Variants in DNAH5 observed in about 807,000 individuals in gnomAD.
DNAH5 encodes dynein axonemal heavy chain 5.
Under a neutral mutation model 518.2 loss-of-function variants are expected in DNAH5, and 372 were observed. The observed-to-expected ratio is 0.72, with a 90% CI of 0.66 to 0.78. The LOEUF (loss-of-function observed/expected upper bound fraction) is 0.78, where lower values mean the gene tolerates loss of function less well. Among genes scored for constraint, DNAH5 ranks in the 30% least tolerant of loss-of-function variants. The pLI, the probability that DNAH5 is intolerant of heterozygous loss-of-function variation, is 0.00. For synonymous variants in DNAH5, 2,039 were observed against 2,025.9 expected, an observed-to-expected ratio of 1.01 and a Z score of -0.17; for missense variants, 5,523 against 5,687.0, an observed-to-expected ratio of 0.97 and a Z score of 0.93.
At chr5:13,830,805 G>A in intron 35 of DNAH5, 30 bp from the exon 36 acceptor site, 1 of 1,611,570 alleles carries the variant, frequency 6.2e-7, no homozygotes, top group Non-Finnish European at 8.5e-7. Flanking sequence ...ACTAGAACCA[G>A]CCCTCAGTCA....
chr5:14,008,707 G>A (rs910514587), intron 1 of DNAH5, among the ~76,000 whole-genome samples: 12 of 152,110 alleles, frequency 7.9e-5, no homozygotes, highest in Non-Finnish European at 1.6e-4. Context: ...AGGAAGAAAA[G>A]AAGAAAGGAA....
At chr5:13,850,144 C>A (rs923029309) in intron 31 of DNAH5, among the ~76,000 whole-genome samples, 8 of 150,886 alleles carry the variant, frequency 5.3e-5, no homozygotes, top group African/African-American at 2.0e-4. Flanking sequence ...TTTCTACTTA[C>A]ATTATTTTAT....
At chr5:13,852,916 G>A (rs887876789) in intron 30 of DNAH5, among the ~76,000 whole-genome samples, 2 of 152,222 alleles carry the variant, frequency 1.3e-5, no homozygotes, top group Non-Finnish European at 2.9e-5. Flanking sequence ...CAGAGCGCCT[G>A]GGGGAAGGGG....
chr5:13,810,277 C>CT lies in DNAH5; in HGVS notation c.7408-18dup, dbSNP rs763542767. 27 of 1,548,050 alleles carry CT rather than the reference C, an allele frequency of 1.7e-5. No individual in the cohort carries two copies. The highest frequency in any genetic ancestry group is 4.1e-5 in the African/African-American group (3 of 73,064). ...GCCTTGCTCCTGAGAAGGAAAGACACTTTTTTTTAATAACTTGATTCTGAA... is the reference window on the plus strand; with the variant it reads ...GCCTTGCTCCTGAGAAGGAAAGACACTTTTTTTTTAATAACTTGATTCTGAA... On this transcript the variant is annotated splice_polypyrimidine_tract_variant and intron_variant, in intron 44 of 78. Transcript: ENST00000265104.
intron 24 of DNAH5, among the ~76,000 whole-genome samples, chr5:13,868,423 T>C (rs1228186835): frequency 1.3e-5 from 2 of 152,180 alleles, no homozygotes; most frequent in Non-Finnish European, 2.9e-5. Context: ...TTATTTCACG[T>C]GATCGATAAG....
intron 9 of DNAH5, among the ~76,000 whole-genome samples, chr5:13,915,873 T>C (rs1402781532): frequency 6.6e-6 from 1 of 152,142 alleles, no homozygotes; most frequent in Non-Finnish European, 1.5e-5. Context: ...ATCATTATAA[T>C]TGCTTTATAG....
intron 52 of DNAH5, among the ~76,000 whole-genome samples, chr5:13,783,528 C>G (rs937431993): frequency 6.6e-6 from 1 of 152,076 alleles, no homozygotes; most frequent in African/African-American, 2.4e-5. Flanking sequence ...TTTGTTTACC[C>G]ATAAGCAGCC....
intron 75 of DNAH5, among the ~76,000 whole-genome samples, chr5:13,713,096 G>GGTGTGTGTGT (rs759159688): frequency 1.7e-5 from 2 of 116,474 alleles, no homozygotes; most frequent in African/African-American, 6.3e-5. Context: ...AAGAAACTGT[G>GGTGTGTGTGT]GTGTGTGTGT....
chr5:13,822,769 C>T (rs1762393013), intron 40 of DNAH5, among the ~76,000 whole-genome samples: 1 of 152,178 alleles, frequency 6.6e-6, no homozygotes, highest in African/African-American at 2.4e-5. Context: ...TCATGATATA[C>T]ATAGTGTGGT....
chr5:13,776,400 A>G, intron 55 of DNAH5, 39 bp downstream of exon 55: 1 of 1,613,134 alleles, frequency 6.2e-7, no homozygotes. Flanking sequence ...GAATCCTTGA[A>G]CACATGTTAT....
At chr5:13,796,466 T>C (rs1757837917) in intron 47 of DNAH5, among the ~76,000 whole-genome samples, 1 of 151,956 alleles carries the variant, frequency 6.6e-6, no homozygotes, top group African/African-American at 2.4e-5. Flanking sequence ...ACAAAGAGAA[T>C]AAAATACCTA....
rs770036339 is a variant in DNAH5 at position 13,727,578 on chromosome 5, C to G, written c.11962G>C (p.Asp3988His). The G allele has an allele frequency of 1.9e-6, 3 of 1,613,878 alleles. No individual in the cohort carries two copies. The change falls in exon 70 of 79, where the codon GAT (aspartate) becomes CAT (histidine). Residue 3988 changes from aspartate (D) to histidine (H), a missense_variant. Asp to His is a moderately conservative substitution (Grantham distance 81). Around this residue, in one of 3 missense-constraint regions of DNAH5, gnomAD observed 5,121 missense variants for 5,223.3 expected, o/e 0.98. Transcript: ENST00000265104. ...CGTCTGAAGCAGTCAAGAGATTTAT[C>G]ATAGGCATTTGGAAGAGGTTCCTCC... ...PEEEPLPNAY[D>H]KSLDCFRRLL... is the part of the protein sequence containing the mutation.
intron 30 of DNAH5, among the ~76,000 whole-genome samples, chr5:13,853,341 G>A (rs758557624): frequency 2.0e-4 from 31 of 152,036 alleles, no homozygotes; most frequent in Non-Finnish European, 3.5e-4. Flanking sequence ...CTAAAAGGAC[G>A]ACCACACAAA....
intron 41 of DNAH5, among the ~76,000 whole-genome samples, chr5:13,818,485 G>T (rs940326901): frequency 9.9e-5 from 15 of 152,200 alleles, no homozygotes; most frequent in African/African-American, 3.4e-4. Flanking sequence ...GCACTTCCTT[G>T]CGTATATCAT....
At position 13,890,355 on chromosome 5, in the gene DNAH5, T is replaced by C. The variant is rs534196994; in HGVS notation, c.2577+621A>G. 3.4e-5 allele frequency among the ~76,000 whole-genome samples: 5 copies of C among 148,530 alleles called. No homozygotes were observed. The South Asian group carries it at 1.1e-3, about 32-fold the overall frequency. Reference sequence around the variant, plus strand: ...CGGGGAGTCAGAGGTTGTAGTGAGCTGAGATCGCATCACTGCACTCCAGCC... The same window carrying C: ...CGGGGAGTCAGAGGTTGTAGTGAGCCGAGATCGCATCACTGCACTCCAGCC... On this transcript the variant is annotated intron_variant, in intron 17 of 78. Coordinates refer to ENST00000265104, the MANE Select transcript of DNAH5 (RefSeq NM_001369.3).
chr5:13,811,747 T>C lies in DNAH5; in HGVS notation c.7307A>G (p.Tyr2436Cys), dbSNP rs1561325248. The C allele has an allele frequency of 6.2e-7, 1 of 1,614,160 alleles. No individual in the cohort carries two copies. The highest frequency in any genetic ancestry group is 8.5e-7 in the Non-Finnish European group (1 of 1,180,018). The change falls in exon 44 of 79, where the codon TAT (tyrosine) becomes TGT (cysteine). Residue 2436 changes from tyrosine to cysteine, a missense_variant. Tyr to Cys is a radical substitution (Grantham distance 194). Coordinates refer to ENST00000265104, the MANE Select transcript of DNAH5 (RefSeq NM_001369.3). Reference protein sequence around the residue: ...QLYTESFPDLYRFCIQNLEYK... With the variant: ...QLYTESFPDLCRFCIQNLEYK... ...TTCTAAGTTCTGGATACAGAAGCGA[T>C]ACAAGTCTGGGAAAGACTCGGTGTA...
Position 13,700,762 on chromosome 5 carries a change from T to C in DNAH5, c.13601A>G (p.Tyr4534Cys), listed in dbSNP as rs145877587. The change falls in exon 78 of 79, where the codon TAT (tyrosine) becomes TGT (cysteine). Residue 4534 changes from tyrosine (Y) to cysteine (C), a missense_variant. Around this residue, in one of 3 missense-constraint regions of DNAH5, gnomAD observed 387 missense variants for 430.0 expected, o/e 0.90. Coordinates refer to ENST00000265104, the MANE Select transcript of DNAH5 (RefSeq NM_001369.3). ...DISAPPTEGV[Y>C]VYGLYLEGAG... ...ACCTTCAAGATATAAGCCATAGACA[T>C]AGACACCCTCTGTGGGAGGGGCAGA... 3.1e-6 allele frequency: 5 copies of C among 1,614,148 alleles called. No homozygotes were observed. In the South Asian group the frequency reaches 3.3e-5, roughly 11 times the overall value.
intron 32 of DNAH5, among the ~76,000 whole-genome samples, chr5:13,843,955 C>CGTTGATCA (rs1335048315): frequency 2.6e-5 from 4 of 152,142 alleles, no homozygotes; most frequent in African/African-American, 9.7e-5. Flanking sequence ...CTGACTTCAG[C>CGTTGATCA]GTTGATCATG....
At chr5:13,832,017 G>A (rs1233310397) in intron 35 of DNAH5, among the ~76,000 whole-genome samples, 2 of 152,054 alleles carry the variant, frequency 1.3e-5, no homozygotes, top group Non-Finnish European at 2.9e-5. Flanking sequence ...CACTCTATCC[G>A]GGAAAGAAAA....
Sources: allele counts gnomAD v4.1 joint callset (sites outside exome capture counted in the v4.1 genomes callset), GRCh38; gene constraint gnomAD v4.1.1; regional missense constraint gnomAD v4.1.1; transcripts MANE v1.5; gene names NCBI Gene and HGNC (gene_info 2026-07-23, HGNC 2026-07-21).